The following MAP7 variants were observed in gnomAD, a reference collection of about 807,000 sequenced individuals.
MAP7 encodes ensconsin.
A neutral mutation model predicts 94.8 loss-of-function variants in MAP7; 52 were observed. The observed-to-expected ratio is 0.55, with a 90% CI of 0.44 to 0.69. The LOEUF (loss-of-function observed/expected upper bound fraction) is 0.69, where lower values mean the gene tolerates loss of function less well. Ranked by LOEUF, MAP7 falls within the 30% of genes least tolerant of loss-of-function variation. The pLI, the probability that MAP7 is intolerant of heterozygous loss-of-function variation, is 0.00. For missense variants in MAP7, 940 were observed against 964.6 expected (o/e 0.97, Z 0.34); for synonymous variants, 350 against 357.0 (o/e 0.98, Z 0.22).
At chr6:136,535,744 TTTC>T (rs1318893250) in intron 1 of MAP7, among the ~76,000 whole-genome samples, 7 of 152,030 alleles carry the variant, frequency 4.6e-5, no homozygotes, top group Admixed American at 6.5e-5. Context: ...CATCTTTTTT[TTTC>T]TTTTTTTTTT....
At chr6:136,489,795 C>T (rs1815992354) in intron 1 of MAP7, among the ~76,000 whole-genome samples, 1 of 152,076 alleles carries the variant, frequency 6.6e-6, no homozygotes, top group African/African-American at 2.4e-5. Context: ...TCCTAAAGTG[C>T]TGGGATTACA....
At chr6:136,421,231 T>C (rs1020178446) in intron 2 of MAP7, among the ~76,000 whole-genome samples, 1 of 152,250 alleles carries the variant, frequency 6.6e-6, no homozygotes, top group Non-Finnish European at 1.5e-5. Flanking sequence ...ACCATAATTC[T>C]ATACAAGCTT....
chr6:136,504,944 T>C (rs1036792540), intron 1 of MAP7, among the ~76,000 whole-genome samples: 5 of 152,126 alleles, frequency 3.3e-5, no homozygotes, highest in African/African-American at 9.7e-5. Flanking sequence ...CTTCCCAAAG[T>C]GCTGGGATTA....
At chr6:136,456,767 G>GGAGGAATAAGAAGAA (rs1179338276) in intron 1 of MAP7, among the ~76,000 whole-genome samples, 4 of 60,522 alleles carry the variant, frequency 6.6e-5, no homozygotes, top group African/African-American at 2.9e-4. Context: ...AGGAGGAGGA[G>GGAGGAATAAGAAGAA]GAAGAAGAAG....
At chr6:136,543,151 T>C (rs1829460213) in intron 1 of MAP7, among the ~76,000 whole-genome samples, 1 of 152,146 alleles carries the variant, frequency 6.6e-6, no homozygotes, top group Non-Finnish European at 1.5e-5. Flanking sequence ...CAAAAACCTG[T>C]AGGTAAGTGT....
At chr6:136,527,175 C>G (rs759376159) in intron 1 of MAP7, among the ~76,000 whole-genome samples, 1 of 152,092 alleles carries the variant, frequency 6.6e-6, no homozygotes, top group African/African-American at 2.4e-5. Flanking sequence ...TTTTTTGGAT[C>G]GTTTTCTTCA....
chr6:136,505,851 T>C (rs955216797), intron 1 of MAP7, among the ~76,000 whole-genome samples: 2 of 152,192 alleles, frequency 1.3e-5, no homozygotes, highest in African/African-American at 4.8e-5. Context: ...GAATTTTAAA[T>C]GTAGTTCATG....
rs764573789 is a variant in MAP7, at chr6:136,361,115, ACTC to A, written c.1588_1590del (p.Glu530del). 2,059 of 1,604,750 alleles carry A rather than the reference ACTC, an allele frequency of 1.3e-3. No individual in the cohort carries two copies. Among genetic ancestry groups the A allele is most frequent in the Admixed American group, 1.6e-3 (98 of 59,942 alleles). ...GCCTGCTCGGCTTCCAGCCTGCGCG[ACTC>A]CTCCTCACGGCGAGTCGTCCTCTCT... On this transcript the variant is annotated inframe_deletion, in exon 12 of 18. Coordinates refer to ENST00000354570, the MANE Select transcript of MAP7 (RefSeq NM_003980.6).
At chr6:136,516,960 A>G (rs1583120905) in intron 1 of MAP7, among the ~76,000 whole-genome samples, 1 of 139,440 alleles carries the variant, frequency 7.2e-6, no homozygotes, top group African/African-American at 3.2e-5. Context: ...CATCAGAAGG[A>G]AAAAAAAACC....
rs376668099 is a variant in MAP7 at position 136,537,036 on chromosome 6, G to A, written c.67+13306C>T. Among the ~76,000 whole-genome samples, 10 of 152,224 alleles carry A rather than the reference G, an allele frequency of 6.6e-5. No individual in the cohort carries two copies. In the South Asian group the frequency reaches 2.1e-3, roughly 32 times the overall value. ...CTTGAAGACTTACTTGCTACTGTGGGTGTCATTAATGAGTCCTGCAACACT... is the reference window on the plus strand; with the variant it reads ...CTTGAAGACTTACTTGCTACTGTGGATGTCATTAATGAGTCCTGCAACACT... On this transcript the variant is annotated intron_variant, in intron 1 of 17. Coordinates refer to ENST00000354570, the MANE Select transcript of MAP7 (RefSeq NM_003980.6).
At chr6:136,407,505 T>C (rs1785992641) in intron 3 of MAP7, among the ~76,000 whole-genome samples, 1 of 152,202 alleles carries the variant, frequency 6.6e-6, no homozygotes, top group African/African-American at 2.4e-5. Context: ...AGTAAATGTA[T>C]TAGCCTGAAC....
chr6:136,374,275 T>C (rs142548183), intron 7 of MAP7, among the ~76,000 whole-genome samples: 2 of 152,320 alleles, frequency 1.3e-5, no homozygotes, highest in African/African-American at 2.4e-5. Flanking sequence ...TTGCCTGGGA[T>C]CACAGGAAAA....
chr6:136,498,545 C>CACA (rs1472503631), intron 1 of MAP7, among the ~76,000 whole-genome samples: 2 of 152,026 alleles, frequency 1.3e-5, no homozygotes, highest in Non-Finnish European at 2.9e-5. Context: ...TCACATGCAC[C>CACA]TGTGTCTAAG....
intron 1 of MAP7, among the ~76,000 whole-genome samples, chr6:136,487,309 G>A (rs1361670107): frequency 1.3e-5 from 2 of 152,166 alleles, no homozygotes; most frequent in Non-Finnish European, 2.9e-5. Context: ...ACACACATAC[G>A]ATAGAGTTTA....
intron 1 of MAP7, among the ~76,000 whole-genome samples, chr6:136,523,441 A>G (rs1826969700): frequency 6.6e-6 from 1 of 152,254 alleles, no homozygotes; most frequent in Non-Finnish European, 1.5e-5. Flanking sequence ...CAAGCTCTGC[A>G]GCTGTGGCTA....
intron 1 of MAP7, among the ~76,000 whole-genome samples, chr6:136,473,628 T>C (rs993297600): frequency 6.6e-6 from 1 of 152,208 alleles, no homozygotes; most frequent in African/African-American, 2.4e-5. Context: ...ATGTAGCAGA[T>C]TCCCAAAATT....
At chr6:136,366,080 T>C (rs1794238769) in intron 9 of MAP7, 62 bp from the exon 10 acceptor site, 2 of 1,513,624 alleles carry the variant, frequency 1.3e-6, no homozygotes, top group African/African-American at 2.8e-5. Context: ...TGCCAGAACC[T>C]AGAACACGAC....
intron 1 of MAP7, among the ~76,000 whole-genome samples, chr6:136,549,683 G>C (rs532605765): frequency 2.6e-5 from 4 of 152,344 alleles, no homozygotes; most frequent in African/African-American, 9.6e-5. Context: ...AAAACTCTGA[G>C]AACTCCGACA....
intron 1 of MAP7, among the ~76,000 whole-genome samples, chr6:136,524,060 T>C (rs1827160557): frequency 6.6e-6 from 1 of 151,742 alleles, no homozygotes; most frequent in Non-Finnish European, 1.5e-5. Flanking sequence ...CCAATAATGG[T>C]GAAACCCCGT....
Sources: allele counts gnomAD v4.1 joint callset (sites outside exome capture counted in the v4.1 genomes callset), GRCh38; gene constraint gnomAD v4.1.1; transcripts MANE v1.5; gene names NCBI Gene and HGNC (gene_info 2026-07-23, HGNC 2026-07-21).